Variants in POU2F2 observed in about 807,000 individuals in gnomAD.
POU2F2 encodes the protein POU domain, class 2, transcription factor 2.
In POU2F2, 14 loss-of-function variants were observed where a neutral mutation model predicts 63.5. The observed-to-expected ratio is 0.22, with a 90% CI of 0.15 to 0.34. The LOEUF (loss-of-function observed/expected upper bound fraction) is 0.34, where lower values mean the gene tolerates loss of function less well. Among genes scored for constraint, POU2F2 ranks in the 10% least tolerant of loss-of-function variants. The probability of loss-of-function intolerance (pLI) is 1.00; values close to 1 mark genes in which losing one functional copy is unlikely to be tolerated. For synonymous variants in POU2F2, 306 were observed against 348.6 expected, an observed-to-expected ratio of 0.88 and a Z score of 1.36; for missense variants, 607 against 815.2, an observed-to-expected ratio of 0.74 and a Z score of 3.11.
At chr19:42,190,014 G>A (rs778181437) in intron 1 of POU2F2, among the ~76,000 whole-genome samples, 9 of 152,144 alleles carry the variant, frequency 5.9e-5, no homozygotes, top group East Asian at 1.9e-4. Context: ...GGCGTAAGCC[G>A]CTGCACCTGG....
rs538114903 is a variant in POU2F2 at position 42,173,355 on chromosome 19, C to A, written c.-70+2608G>T. Among the ~76,000 whole-genome samples the A allele has an allele frequency of 1.2e-3, 184 of 152,182 alleles. 1 individual carries two copies. Among genetic ancestry groups the A allele is most frequent in the Non-Finnish European group, 2.3e-3 (154 of 67,996 alleles). On this transcript the variant is annotated intron_variant, in intron 1 of 6. Coordinates refer to the POU2F2 transcript ENST00000524801. ...TGTGGCCATCTGTCCCTGCTCCCCT[C>A]GTTGCAAGTCATGCCTCTACACATT...
chr19:42,186,351 A>T (rs991447244), intron 1 of POU2F2, among the ~76,000 whole-genome samples: 28 of 152,052 alleles, frequency 1.8e-4, no homozygotes, highest in African/African-American at 9.7e-5. Context: ...AAACAAAAAC[A>T]AAAAAAGAAT....
At chr19:42,109,131 T>A (rs1194991581) in intron 5 of POU2F2, among the ~76,000 whole-genome samples, 3 of 152,204 alleles carry the variant, frequency 2.0e-5, no homozygotes, top group Non-Finnish European at 4.4e-5. Flanking sequence ...CAGTTCCACC[T>A]GGGGGAGAAG....
chr19:42,170,428 C>CA (rs529460184), intron 1 of POU2F2, among the ~76,000 whole-genome samples: 3,533 of 118,630 alleles, frequency 0.03, 79 homozygotes, highest in African/African-American at 0.061. Flanking sequence ...AACCCAACGC[C>CA]AAAAAAAAAA....
intron 2 of POU2F2, among the ~76,000 whole-genome samples, chr19:42,148,826 AC>A (rs2034284340): frequency 6.6e-6 from 1 of 151,852 alleles, no homozygotes; most frequent in African/African-American, 2.4e-5. Flanking sequence ...CAAGCAATGA[AC>A]CAGACACCAG....
At chr19:42,184,239 G>A (rs2034991637) in intron 1 of POU2F2, among the ~76,000 whole-genome samples, 1 of 152,088 alleles carries the variant, frequency 6.6e-6, no homozygotes, top group South Asian at 2.1e-4. Flanking sequence ...CGATCTACTG[G>A]CCTTGATCTC....
chr19:42,195,577 C>T lies in POU2F2; in HGVS notation c.-70+806G>A, dbSNP rs1349143982. Among the ~76,000 whole-genome samples the T allele has an allele frequency of 2.0e-5, 3 of 152,030 alleles. No individual in the cohort carries two copies. The East Asian group carries it at 5.8e-4, about 29-fold the overall frequency. On this transcript the variant is annotated intron_variant, in intron 1 of 5. Coordinates refer to the POU2F2 transcript ENST00000532176. ...TTGATCTCCTGACTTCGTGATCCAC[C>T]TGCCTCAGCCTCTCAAAGTGCTAGG...
chr19:42,188,114 C>T (rs1307418315), intron 1 of POU2F2, among the ~76,000 whole-genome samples: 1 of 151,938 alleles, frequency 6.6e-6, no homozygotes, highest in African/African-American at 2.4e-5. Context: ...CCTATAATCC[C>T]GGCACTTTCG....
At chr19:42,172,578 C>T (rs1392764319) in intron 1 of POU2F2, among the ~76,000 whole-genome samples, 7 of 152,130 alleles carry the variant, frequency 4.6e-5, no homozygotes. Context: ...GGAAAATGCA[C>T]CTGCCTCCCA....
chr19:42,124,335 G>A (rs2032984129), intron 1 of POU2F2, among the ~76,000 whole-genome samples: 1 of 149,588 alleles, frequency 6.7e-6, no homozygotes, highest in East Asian at 2.0e-4. Flanking sequence ...AAAAAAGAAT[G>A]GAGCTAAAGT....
chr19:42,091,937 G>A lies in POU2F2; in HGVS notation c.1470C>T (p.Ser490=), dbSNP rs1333797781. 1.9e-6 allele frequency: 3 copies of A among 1,541,860 alleles called. No homozygotes were observed. Among genetic ancestry groups the A allele is most frequent in the South Asian group, 2.4e-5 (2 of 83,816 alleles). ...GCCCGGAGCTCAACCCCACCATTGT[G>A]CTTCTGCAAGAGGCAAAGCAGAGGC... ...GLSGLNPSTG[S]TMVGLSSGLS... The change falls in exon 14 of 15, where the codon AGC becomes AGT. Residue 490 remains serine, a synonymous_variant. Transcript: ENST00000692977.
chr19:42,181,226 G>C (rs1227049328), intron 1 of POU2F2, among the ~76,000 whole-genome samples: 1 of 152,230 alleles, frequency 6.6e-6, no homozygotes, highest in Non-Finnish European at 1.5e-5. Context: ...GGCTGATGCA[G>C]CACATGTATA....
At chr19:42,182,680 G>A (rs2034975502) in intron 1 of POU2F2, among the ~76,000 whole-genome samples, 1 of 152,168 alleles carries the variant, frequency 6.6e-6, no homozygotes, top group African/African-American at 2.4e-5. Context: ...CCTAGGATGG[G>A]GCAGCCAGCT....
In POU2F2 at chr19:42,092,158, G is replaced by A. The variant is rs769215513; in HGVS notation, c.1377C>T (p.Pro459=). ...TGCTGTTGGTGGTGGCCGGGGGTGG[G>A]GGAGTGACAGAGGGGATGGAATTGA... is the stretch of plus-strand genomic sequence containing the variant. The part of the protein sequence containing the change: ...PPLNSIPSVT[P]PPPATTNSTN... Residue 459 remains proline, a synonymous_variant, in exon 13 of 15, where the codon CCC becomes CCT. Transcript: ENST00000692977. This position sits in a 1 kb window ranked among gnomAD's most constrained non-coding sequence, Gnocchi z 5.0. 5.7e-6 allele frequency: 9 copies of A among 1,582,986 alleles called. No homozygotes were observed. Among genetic ancestry groups the A allele is most frequent in the Non-Finnish European group, 7.7e-6 (9 of 1,166,594 alleles).
At chr19:42,159,520 G>A (rs777698230) in intron 2 of POU2F2, among the ~76,000 whole-genome samples, 1 of 152,136 alleles carries the variant, frequency 6.6e-6, no homozygotes, top group African/African-American at 2.4e-5. Context: ...GTAGAGGGCT[G>A]TCCCACCCCA....
chr19:42,110,459 C>G (rs779466040), intron 5 of POU2F2: 1 of 162,104 alleles, frequency 6.2e-6, no homozygotes, highest in Non-Finnish European at 1.4e-5. Context: ...AACAAGGAAA[C>G]GCCTAACCTA....
chr19:42,122,680 C>T (rs1283098990), intron 1 of POU2F2, 104 bp from the exon 2 acceptor site: 1 of 1,081,282 alleles, frequency 9.2e-7, no homozygotes, highest in Admixed American at 2.9e-5. Flanking sequence ...CCAAATTCCC[C>T]CCTTACCCCC....
At chr19:42,150,398 G>A (rs1396518205) in intron 2 of POU2F2, among the ~76,000 whole-genome samples, 2 of 151,520 alleles carry the variant, frequency 1.3e-5, no homozygotes, top group African/African-American at 4.9e-5. Flanking sequence ...ATCCTGCGGT[G>A]GGGGGAATGG....
In POU2F2 at chr19:42,095,138, A is replaced by G; in HGVS notation, c.1197+148T>C. 9.6e-7 allele frequency: 1 copy of G among 1,042,480 alleles called. No individual in the cohort carries two copies. Among genetic ancestry groups the G allele is most frequent in the Non-Finnish European group, 1.4e-6 (1 of 740,386 alleles). 64.6% of individuals were successfully genotyped at this position (1,042,480 alleles called of 1,614,324 possible). On this transcript the variant is annotated intron_variant, in intron 11 of 14. Transcript: ENST00000692977. The surrounding 1 kb of genome is among the most constrained non-coding windows in gnomAD (Gnocchi z 7.1). ...GTTCCCTGGAAACCGTCCCTGTGTA[A>G]CTGTGCCCATCTACGTGATGGCCTG... is the stretch of plus-strand genomic sequence containing the variant.
Sources: gnomAD v4.1 joint callset for allele counts (sites outside exome capture counted in the v4.1 genomes callset) on GRCh38, gnomAD v4.1.1 for gene constraint, Gnocchi (gnomAD v3.1) non-coding constraint, MANE v1.5 for transcripts, NCBI Gene and HGNC (gene_info 2026-07-23, HGNC 2026-07-21) for gene names.